The following PDE9A variants were observed in gnomAD, a reference collection of about 807,000 sequenced individuals.
The protein encoded by PDE9A is phosphodiesterase 9A.
In PDE9A, 60 loss-of-function variants were observed where a neutral mutation model predicts 87.4. That is an observed-to-expected ratio of 0.69 (90% confidence interval 0.56 to 0.85). PDE9A has a LOEUF of 0.85. Among genes scored for constraint, PDE9A ranks in the 40% least tolerant of loss-of-function variants. The probability of loss-of-function intolerance (pLI) is 0.00; values close to 1 mark genes in which losing one functional copy is unlikely to be tolerated. For missense variants in PDE9A, 665 were observed against 779.0 expected, an observed-to-expected ratio of 0.85 and a Z score of 1.74; for synonymous variants, 272 against 279.4, an observed-to-expected ratio of 0.97 and a Z score of 0.27.
Position 42,659,210 on chromosome 21 carries a change from C to T in PDE9A, c.69+5327C>T, listed in dbSNP as rs1319472050. Among the ~76,000 whole-genome samples, 2 of 152,172 alleles carry T rather than the reference C, an allele frequency of 1.3e-5. No individual in the cohort carries two copies. The highest frequency in any genetic ancestry group is 4.8e-5 in the African/African-American group (2 of 41,426). On this transcript the variant is annotated intron_variant, in intron 1 of 19. Coordinates refer to ENST00000291539, the MANE Select transcript of PDE9A (RefSeq NM_002606.3). The surrounding 1 kb of genome is among the most constrained non-coding windows in gnomAD (Gnocchi z 4.1). ...TTCCCATTGGTGTGGTCCGAATTCC[C>T]CTTTAGCCAGACATTTCCAATGTCC... is the stretch of plus-strand genomic sequence containing the variant.
chr21:42,715,239 CG>C (rs1171242017), intron 4 of PDE9A, among the ~76,000 whole-genome samples: 1 of 132,152 alleles, frequency 7.6e-6, no homozygotes, highest in Non-Finnish European at 1.6e-5. Flanking sequence ...TTTAGATTCA[CG>C]GCAAAATTGA....
intron 1 of PDE9A, among the ~76,000 whole-genome samples, chr21:42,670,300 CAT>C (rs1463884161): frequency 5.8e-4 from 83 of 144,216 alleles, no homozygotes; most frequent in Middle Eastern, 3.5e-3. Context: ...CATTCACACA[CAT>C]ACACTTAGAC....
chr21:42,757,777 C>T (rs1336286374), intron 10 of PDE9A: 3 of 152,232 alleles, frequency 2.0e-5, no homozygotes, highest in African/African-American at 7.2e-5. Flanking sequence ...TCGGCACATG[C>T]ATCCCAGGTG....
chr21:42,683,265 A>G lies in PDE9A; in HGVS notation c.70-2927A>G, dbSNP rs560852846. ...GGCAGCCCACTGGCAGGGTCTGAAT[A>G]TCATCTGAGCGAGGCCATCAGAAGC... On this transcript the variant is annotated intron_variant, in intron 1 of 19. Coordinates refer to ENST00000291539, the MANE Select transcript of PDE9A (RefSeq NM_002606.3). Among the ~76,000 whole-genome samples, 3 of 152,228 alleles carry G rather than the reference A, an allele frequency of 2.0e-5. No individual in the cohort carries two copies. The East Asian group carries it at 5.8e-4, about 30-fold the overall frequency.
intron 1 of PDE9A, among the ~76,000 whole-genome samples, chr21:42,679,381 C>T (rs950311303): frequency 3.9e-5 from 6 of 151,954 alleles, no homozygotes; most frequent in African/African-American, 9.7e-5. Context: ...TCGCGTTCAG[C>T]GGCTGGAGTC....
chr21:42,654,552 G>A (rs1316644336), intron 1 of PDE9A, among the ~76,000 whole-genome samples: 1 of 152,178 alleles, frequency 6.6e-6, no homozygotes, highest in Non-Finnish European at 1.5e-5. Flanking sequence ...CTTGGAAGGG[G>A]CTCTCATGAG....
intron 3 of PDE9A, among the ~76,000 whole-genome samples, chr21:42,690,851 C>T (rs2059786778): frequency 6.6e-6 from 1 of 152,154 alleles, no homozygotes; most frequent in South Asian, 2.1e-4. Flanking sequence ...ATCCTGCCTT[C>T]CCAGCTCTGC....
chr21:42,692,244 G>C lies in PDE9A; in HGVS notation c.218+4250G>C, dbSNP rs2059885489. On this transcript the variant is annotated intron_variant, in intron 3 of 19. Transcript: ENST00000291539. The surrounding 1 kb of genome is among the most constrained non-coding windows in gnomAD (Gnocchi z 4.3). ...CGTGCCTCCCCCTCTGCACTGCCCA[G>C]AGCAGTTTTTTCTTCTGGGGACGCA... 6.6e-6 allele frequency among the ~76,000 whole-genome samples: 1 copy of C among 152,162 alleles called. No homozygotes were observed. Among genetic ancestry groups the C allele is most frequent in the Non-Finnish European group, 1.5e-5 (1 of 68,030 alleles).
intron 1 of PDE9A, among the ~76,000 whole-genome samples, chr21:42,663,003 C>G (rs960119439): frequency 2.7e-5 from 4 of 149,406 alleles, no homozygotes; most frequent in African/African-American, 9.9e-5. Context: ...ACCACACACA[C>G]GCACACCACA....
At position 42,753,721 on chromosome 21, in the gene PDE9A, A is replaced by G. The variant is rs528625789; in HGVS notation, c.736-269A>G. ...TCTACTAAAATTACAAAAATTAGCC[A>G]GGCATGGTGGCGGGCGCCTGCAGTC... On this transcript the variant is annotated intron_variant, in intron 9 of 19. Coordinates refer to ENST00000291539, the MANE Select transcript of PDE9A (RefSeq NM_002606.3). Among the ~76,000 whole-genome samples the G allele has an allele frequency of 2.4e-4, 36 of 152,148 alleles. No homozygotes were observed. The East Asian group carries it at 6.6e-3, about 28-fold the overall frequency.
chr21:42,653,714 CCCCCCGCCCGCCCCCTCCCCTGCTCCCCT>C lies in PDE9A; in HGVS notation c.-92_-64del. 1 of 254,978 alleles carries C rather than the reference CCCCCCGCCCGCCCCCTCCCCTGCTCCCCT, an allele frequency of 3.9e-6. No homozygotes were observed. Among genetic ancestry groups the C allele is most frequent in the Non-Finnish European group, 7.7e-6 (1 of 130,644 alleles). 15.8% of individuals were successfully genotyped at this position (254,978 alleles called of 1,614,324 possible). On this transcript the variant is annotated 5_prime_UTR_variant, in exon 1 of 20. Coordinates refer to ENST00000291539, the MANE Select transcript of PDE9A (RefSeq NM_002606.3). The stretch of plus-strand genomic sequence containing the variant: ...GTGGTTGGCTGAGCGCCGCGGGCCG[CCCCCCGCCCGCCCCCTCCCCTGCTCCCCT>C]CCCCCGCCTCCCGCGGCGGCTGGCG...
chr21:42,758,938 C>A, intron 10 of PDE9A, 61 bp from the exon 11 acceptor site: 1 of 1,319,968 alleles, frequency 7.6e-7, no homozygotes, highest in Non-Finnish European at 1.1e-6. Flanking sequence ...GGGAAGGAAG[C>A]CAGGGGCTGG....
At chr21:42,691,555 C>G (rs2059837325) in intron 3 of PDE9A, among the ~76,000 whole-genome samples, 1 of 151,966 alleles carries the variant, frequency 6.6e-6, no homozygotes, top group Non-Finnish European at 1.5e-5. Context: ...CCAAAGTCAT[C>G]TAGCACCATC....
intron 1 of PDE9A, among the ~76,000 whole-genome samples, chr21:42,654,993 C>G (rs2056940304): frequency 6.6e-6 from 1 of 152,192 alleles, no homozygotes; most frequent in Admixed American, 6.5e-5. Context: ...GACCCAGGTC[C>G]CTGACTCCAG....
chr21:42,753,861 C>CAAAA (rs57957426), intron 9 of PDE9A, 129 bp from the exon 10 acceptor site: 36 of 431,788 alleles, frequency 8.3e-5, no homozygotes, highest in South Asian at 1.7e-4. Context: ...GACTCTATCT[C>CAAAA]AAAAAAAAAA....
At chr21:42,674,740 T>G (rs2058754763) in intron 1 of PDE9A, among the ~76,000 whole-genome samples, 1 of 152,202 alleles carries the variant, frequency 6.6e-6, no homozygotes, top group Non-Finnish European at 1.5e-5. Flanking sequence ...CACACACTCT[T>G]TACATGCCGA....
At chr21:42,741,247 T>C (rs1404111525) in intron 7 of PDE9A, 2 of 152,272 alleles carry the variant, frequency 1.3e-5, no homozygotes, top group Non-Finnish European at 2.9e-5. Flanking sequence ...GGAGCACCGC[T>C]GGAGGCCACG....
At chr21:42,736,853 G>A (rs9977337) in intron 7 of PDE9A, among the ~76,000 whole-genome samples, 10 of 152,118 alleles carry the variant, frequency 6.6e-5, no homozygotes, top group African/African-American at 2.4e-4. Context: ...CATCCTCCCC[G>A]GGCACTTCTG....
intron 4 of PDE9A, among the ~76,000 whole-genome samples, chr21:42,716,315 C>A (rs1010767937): frequency 2.3e-4 from 35 of 151,790 alleles, no homozygotes; most frequent in Non-Finnish European, 2.9e-4. Context: ...GCCAAACGGT[C>A]TTCCAAAGTG....
Sources: gnomAD v4.1 joint callset for allele counts (sites outside exome capture counted in the v4.1 genomes callset) on GRCh38, gnomAD v4.1.1 for gene constraint, Gnocchi (gnomAD v3.1) non-coding constraint, MANE v1.5 for transcripts, NCBI Gene and HGNC (gene_info 2026-07-23, HGNC 2026-07-21) for gene names.